Variants in TTN observed in about 807,000 individuals in gnomAD.
The protein encoded by TTN is titin.
Under a neutral mutation model 3,223.0 loss-of-function variants are expected in TTN, and 1,525 were observed. The observed-to-expected ratio is 0.47, with a 90% CI of 0.45 to 0.49. The LOEUF (loss-of-function observed/expected upper bound fraction) is 0.49. Among genes scored for constraint, TTN ranks in the 20% least tolerant of loss-of-function variants. TTN has a pLI of 0.00. For synonymous variants in TTN, 14,094 were observed against 15,161.0 expected (o/e 0.93, Z 5.17); for missense variants, 40,786 against 43,424.0 (o/e 0.94, Z 5.40).
intron 47 of TTN, chr2:178,746,037 C>T: frequency 6.2e-7 from 1 of 1,613,448 alleles, no homozygotes; most frequent in Non-Finnish European, 8.5e-7. Flanking sequence ...CAATTCACAG[C>T]TCTGCACCTG....
Position 178,759,144 on chromosome 2 carries a change from G to A in TTN, c.10143C>T (p.Asp3381=), listed in dbSNP as rs2154336866. 1 of 1,613,910 alleles carries A rather than the reference G, an allele frequency of 6.2e-7. No individual in the cohort carries two copies. The highest frequency in any genetic ancestry group is 8.5e-7 in the Non-Finnish European group (1 of 1,179,946). ...AGAACCGAGATGGCTTGATTTTCTT[G>A]TCTTTGCTGTACCACGACACTTTTA... is the stretch of plus-strand genomic sequence containing the variant. The part of the protein sequence containing the change: ...TDLKVSWYSK[D]KKIKPSRFFR... Residue 3381 remains aspartate, a synonymous_variant, in exon 44 of 363, where the codon GAC becomes GAT. Transcript: ENST00000589042.
Position 178,662,558 on chromosome 2 carries a change from TTTGA to T in TTN, c.36929_36932del (p.Ile12310LysfsTer636). The T allele has an allele frequency of 3.7e-6, 4 of 1,071,272 alleles. No individual in the cohort carries two copies. Among genetic ancestry groups the T allele is most frequent in the Non-Finnish European group, 3.7e-6 (3 of 812,782 alleles). The allele number at this position is 1,071,272 out of a possible 1,614,324, so 66.4% of individuals were successfully genotyped here. ...CTGTAACTGCGGGGGCTTCTGGTTT[TTTGA>T]TTGGTGCCTTGGGAATTTTCTTTTC... On this transcript the variant is annotated frameshift_variant, in exon 176 of 363. Transcript: ENST00000589042. LOFTEE classifies it high-confidence loss of function.
Position 178,651,528 on chromosome 2 carries a change from C to A in TTN, c.39472G>T (p.Val13158Leu). Residue 13158 changes from valine (V) to leucine (L), a missense_variant, in exon 207 of 363, where the codon GTG becomes TTG. Transcript: ENST00000589042. ...TTTTCAGGAACAACCTCCTTGGGCACCTCGGGCACTATAAAAGATATTAGT... is the reference window on the plus strand; with the variant it reads ...TTTTCAGGAACAACCTCCTTGGGCAACTCGGGCACTATAAAAGATATTAGT... ...PELPPVKVPE[V>L]PKEVVPEKKV... The A allele has an allele frequency of 3.1e-6, 5 of 1,612,712 alleles. No homozygotes were observed. Among genetic ancestry groups the A allele is most frequent in the Non-Finnish European group, 4.2e-6 (5 of 1,179,428 alleles).
At position 178,711,088 on chromosome 2, in the gene TTN, G is replaced by A. The variant is rs1323755487; in HGVS notation, c.28148C>T (p.Ser9383Phe). The A allele has an allele frequency of 1.3e-6, 2 of 1,598,078 alleles. No individual in the cohort carries two copies. The highest frequency in any genetic ancestry group is 1.7e-6 in the Non-Finnish European group (2 of 1,172,154). The change falls in exon 97 of 363, where the codon TCT becomes TTT. Residue 9383 changes from serine to phenylalanine, a missense_variant. By Grantham distance (155) the Ser-to-Phe change is radical. Coordinates refer to ENST00000589042, the MANE Select transcript of TTN (RefSeq NM_001267550.2). ...TGTGAGAATGAGCCTGGCACTGGAA[G>A]AAGCAGAGCCTATAGGGTTTGTAGC... Reference protein sequence around the residue: ...CTATNPIGSASSSARLILTEG... With the variant: ...CTATNPIGSAFSSARLILTEG...
chr2:178,680,425 A>G (rs2069101979), intron 138 of TTN, 94 bp from the exon 139 acceptor site: 2 of 1,011,820 alleles, frequency 2.0e-6, no homozygotes, highest in African/African-American at 1.6e-5. Flanking sequence ...AGAATAATGT[A>G]TCTTCCTTTA....
chr2:178,538,082 T>A lies in TTN; in HGVS notation c.99290-165A>T. On this transcript the variant is annotated intron_variant, in intron 354 of 362. Transcript: ENST00000589042. The stretch of plus-strand genomic sequence containing the variant: ...TTGAAGTGATTTTCCTAGGATCATA[T>A]GGTAAATAGGGATTCAATGAGCACA... The A allele has an allele frequency of 7.6e-6, 5 of 660,078 alleles. No individual in the cohort carries two copies. The South Asian group carries it at 8.5e-5, about 11-fold the overall frequency. The allele number at this position is 660,078 out of a possible 1,614,324, so 40.9% of individuals were successfully genotyped here. A position where few individuals can be genotyped will look rare whatever the true frequency, so the allele number is the denominator to read the frequency against.
chr2:178,757,813 C>T lies in TTN; in HGVS notation c.10407G>A (p.Gln3469=), dbSNP rs775464538. Residue 3469 remains glutamine, a synonymous_variant, in exon 45 of 363, where the codon CAG becomes CAA. Transcript: ENST00000589042. ...EPLGQKPSFI[Q]PLSSLRVHNG... The stretch of plus-strand genomic sequence containing the variant: ...TGTGCACCCTGAGGCTTGACAGAGG[C>T]TGGATGAAGCTGGGCTTTTGGCCAA... 27 of 1,609,678 alleles carry T rather than the reference C, an allele frequency of 1.7e-5. No homozygotes were observed. Among genetic ancestry groups the T allele is most frequent in the Non-Finnish European group, 2.0e-5 (24 of 1,177,242 alleles).
At position 178,777,988 on chromosome 2, in the gene TTN, G is replaced by A. The variant is rs2092404833; in HGVS notation, c.4209-13C>T. On this transcript the variant is annotated splice_polypyrimidine_tract_variant and intron_variant, in intron 24 of 362. Coordinates refer to ENST00000589042, the MANE Select transcript of TTN (RefSeq NM_001267550.2). The stretch of plus-strand genomic sequence containing the variant: ...TGGAGAGAGAGATCTGCAAAACAAA[G>A]ACACACAATACTTTCGTGAGGCATA... The A allele has an allele frequency of 1.2e-6, 2 of 1,612,556 alleles. No individual in the cohort carries two copies. The highest frequency in any genetic ancestry group is 1.7e-6 in the Non-Finnish European group (2 of 1,179,430).
At chr2:178,600,147 G>A (rs1261236581) in intron 288 of TTN, among the ~76,000 whole-genome samples, 1 of 151,806 alleles carries the variant, frequency 6.6e-6, no homozygotes, top group African/African-American at 2.4e-5. Flanking sequence ...CTGACAAAAG[G>A]GAAGAGAGGA....
intron 106 of TTN, 30 bp downstream of exon 106, chr2:178,704,117 C>G: frequency 6.2e-7 from 1 of 1,607,950 alleles, no homozygotes; most frequent in Non-Finnish European, 8.5e-7. Context: ...CTATGCTGTA[C>G]CCACAAGGAC....
In TTN at chr2:178,580,044, C is replaced by T. The variant is rs2047350476; in HGVS notation, c.67243G>A (p.Val22415Ile). Residue 22415 changes from valine to isoleucine, a missense_variant, in exon 318 of 363, where the codon GTA becomes ATA. Physicochemically the swap from Val to Ile is conservative, Grantham distance 29. Coordinates refer to ENST00000589042, the MANE Select transcript of TTN (RefSeq NM_001267550.2). ...TTECSKTSFR[V>I]ANLEEGKSYF... ...GATTTTCCCTCCTCCAAATTAGCTA[C>T]TCTGAAGCTTGTTTTGGAGCACTCA... 6.2e-7 allele frequency: 1 copy of T among 1,613,216 alleles called. No homozygotes were observed. The highest frequency in any genetic ancestry group is 1.3e-5 in the African/African-American group (1 of 74,858).
At position 178,775,076 on chromosome 2, in the gene TTN, A is replaced by G. The variant is rs2092055359; in HGVS notation, c.6635T>C (p.Met2212Thr). 1 of 1,613,942 alleles carries G rather than the reference A, an allele frequency of 6.2e-7. No homozygotes were observed. The highest frequency in any genetic ancestry group is 2.2e-5 in the East Asian group (1 of 44,858). The change falls in exon 29 of 363, where the codon ATG becomes ACG. Residue 2212 changes from methionine (M) to threonine (T), a missense_variant. Physicochemically the swap from Met to Thr is moderately conservative, Grantham distance 81. Transcript: ENST00000589042. ...GTATTTATCTCCCTCATGAACCTCC[A>G]TACCATCTTTATACCATTTCACTTT... The part of the protein sequence containing the change: ...FVKVKWYKDG[M>T]EVHEGDKYRM...
rs1250796004 is a variant in TTN, at chr2:178,713,370, G to T, written c.26764C>A (p.Arg8922=). 2.7e-6 allele frequency: 4 copies of T among 1,497,648 alleles called. No individual in the cohort carries two copies. Among genetic ancestry groups the T allele is most frequent in the Non-Finnish European group, 3.6e-6 (4 of 1,124,334 alleles). The allele number at this position is 1,497,648 out of a possible 1,614,324, so 92.8% of individuals were successfully genotyped here. Residue 8922 remains arginine (R), a splice_region_variant and synonymous_variant, in exon 93 of 363, where the codon CGA becomes AGA. Transcript: ENST00000589042. ...SCTASLQVSD[R]TVPPSFTRKL... Reference sequence around the variant, plus strand: ...CTTGTGAATGAAGGAGGAACGGTTCGGTCTGAATGATACAAAACAAAACAA... The same window carrying T: ...CTTGTGAATGAAGGAGGAACGGTTCTGTCTGAATGATACAAAACAAAACAA...
At position 178,615,007 on chromosome 2, in the gene TTN, G is replaced by A. The variant is rs769334817; in HGVS notation, c.48639-39C>T. 9.1e-6 allele frequency: 14 copies of A among 1,532,800 alleles called. No homozygotes were observed. The Admixed American group carries it at 1.3e-4, about 14-fold the overall frequency. 94.9% of individuals were successfully genotyped at this position (1,532,800 alleles called of 1,614,324 possible). On this transcript the variant is annotated intron_variant, in intron 259 of 362. Transcript: ENST00000589042. Reference sequence around the variant, plus strand: ...GAATAGGATGTTTTACTGTGATGTCGATAATCGTTTCATTGTGTAGTACTC... The same window carrying A: ...GAATAGGATGTTTTACTGTGATGTCAATAATCGTTTCATTGTGTAGTACTC...
At chr2:178,529,874 T>A in intron 359 of TTN, 86 bp downstream of exon 359, 1 of 1,327,116 alleles carries the variant, frequency 7.5e-7, no homozygotes, top group Non-Finnish European at 1.0e-6. Context: ...TACTTTCTTG[T>A]ATGTGTATAT....
Position 178,580,529 on chromosome 2 carries a change from G to T in TTN, c.66850C>A (p.Pro22284Thr). The change falls in exon 317 of 363, where the codon CCA (proline) becomes ACA (threonine). Residue 22284 changes from proline (P) to threonine (T), a missense_variant. Physicochemically the swap from Pro to Thr is conservative, Grantham distance 38. Transcript: ENST00000589042. ...TTTGGAGGTGGGCGTCCTTTTACTG[G>T]TACATATAGTCTCATAGTAACTCCA... ...RAGVTMRLYV[P>T]VKGRPPPKIT... The T allele has an allele frequency of 6.2e-7, 1 of 1,612,756 alleles. No individual in the cohort carries two copies. The highest frequency in any genetic ancestry group is 8.5e-7 in the Non-Finnish European group (1 of 1,179,304).
chr2:178,759,172 T>C lies in TTN; in HGVS notation c.10115A>G (p.Asp3372Gly). The change falls in exon 44 of 363, where the codon GAT (aspartate) becomes GGT (glycine). Residue 3372 changes from aspartate to glycine, a missense_variant and splice_region_variant. Asp to Gly is a moderately conservative substitution (Grantham distance 94, BLOSUM62 -1). Transcript: ENST00000589042. ...TTTGCTGTACCACGACACTTTTAGA[T>C]CTGCGACACAAAAGAAAAGAGATAC... is the stretch of plus-strand genomic sequence containing the variant. Reference protein sequence around the residue: ...ARFQCRVSGTDLKVSWYSKDK... With the variant: ...ARFQCRVSGTGLKVSWYSKDK... 6.2e-7 allele frequency: 1 copy of C among 1,613,928 alleles called. No individual in the cohort carries two copies. The highest frequency in any genetic ancestry group is 8.5e-7 in the Non-Finnish European group (1 of 1,179,924).
Position 178,569,059 on chromosome 2 carries a change from A to G in TTN, c.77073T>C (p.Asp25691=), listed in dbSNP as rs375398118. 9.3e-5 allele frequency: 150 copies of G among 1,613,212 alleles called. No individual in the cohort carries two copies. Among genetic ancestry groups the G allele is most frequent in the Admixed American group, 2.3e-4 (14 of 59,948 alleles). The change falls in exon 326 of 363, where the codon GAT becomes GAC. Residue 25691 remains aspartate, a synonymous_variant. Coordinates refer to ENST00000589042, the MANE Select transcript of TTN (RefSeq NM_001267550.2). The part of the protein sequence containing the change: ...YGIGLPAQTA[D]PIKVAEVPQP... ...GTGGCACTTCTGCAACCTTAATTGG[A>G]TCAGCAGTCTGGGCAGGAAGGCCAA... is the stretch of plus-strand genomic sequence containing the variant.
chr2:178,789,909 T>A (rs2093399775), intron 12 of TTN, 69 bp downstream of exon 12: 4 of 1,590,638 alleles, frequency 2.5e-6, no homozygotes, highest in Non-Finnish European at 3.4e-6. Context: ...TCATACCATA[T>A]TGTAGTTAAT....
Sources: gnomAD v4.1 joint callset for allele counts (sites outside exome capture counted in the v4.1 genomes callset) on GRCh38, gnomAD v4.1.1 for gene constraint, MANE v1.5 for transcripts, NCBI Gene and HGNC (gene_info 2026-07-23, HGNC 2026-07-21) for gene names.